UBQLN4: variants seen among roughly 807,000 people sequenced by gnomAD.
UBQLN4 encodes ubiquilin 4, also known as ubiquilin-4.
In UBQLN4, 11 loss-of-function variants were observed where a neutral mutation model predicts 60.4. That is an observed-to-expected ratio of 0.18 (90% CI 0.11 to 0.30). The LOEUF (loss-of-function observed/expected upper bound fraction) is 0.30. Among genes scored for constraint, UBQLN4 ranks in the 10% least tolerant of loss-of-function variants. The pLI is 1.00. For missense variants in UBQLN4, 417 were observed against 795.5 expected (o/e 0.52, Z 5.72); for synonymous variants, 258 against 313.1 (o/e 0.82, Z 1.86).
chr1:156,034,823 TTCTATA>T (rs1451738000), downstream of UBQLN4, among the ~76,000 whole-genome samples: 12 of 35,872 alleles, frequency 3.3e-4, no homozygotes, highest in Non-Finnish European at 1.7e-4. Context: ...TCCCTTAACC[TTCTATA>T]TATATATATA....
chr1:156,046,727 G>A (rs1416569051), intron 5 of UBQLN4, among the ~76,000 whole-genome samples: 4 of 147,170 alleles, frequency 2.7e-5, no homozygotes, highest in African/African-American at 7.5e-5. Context: ...CTGCAGTCCC[G>A]GCTACTCAGA....
chr1:156,050,183 C>T lies in UBQLN4; in HGVS notation c.741+108G>A, dbSNP rs1683830869. The T allele has an allele frequency of 7.0e-7, 1 of 1,419,130 alleles. No individual in the cohort carries two copies. The highest frequency in any genetic ancestry group is 9.3e-7 in the Non-Finnish European group (1 of 1,069,690). 87.9% of individuals were successfully genotyped at this position (1,419,130 alleles called of 1,614,324 possible). ...ATCCCTGTACCTCCAGTGTTCAAAA[C>T]TGCTGAATACACGAATGAACAAATC... On this transcript the variant is annotated intron_variant, in intron 4 of 10. Transcript: ENST00000368309. This position sits in a 1 kb window ranked among gnomAD's most constrained non-coding sequence, Gnocchi z 4.6.
In UBQLN4 at chr1:156,050,206, A is replaced by C; in HGVS notation, c.741+85T>G. On this transcript the variant is annotated intron_variant, in intron 4 of 10. Transcript: ENST00000368309. This position sits in a 1 kb window ranked among gnomAD's most constrained non-coding sequence, Gnocchi z 4.6. ...AACTGCTGAATACACGAATGAACAA[A>C]TCAATGTAGGACAAAGTAGGAAAGG... 6.7e-7 allele frequency: 1 copy of C among 1,483,056 alleles called. No homozygotes were observed. Among genetic ancestry groups the C allele is most frequent in the Non-Finnish European group, 9.0e-7 (1 of 1,112,676 alleles). 91.9% of individuals were successfully genotyped at this position (1,483,056 alleles called of 1,614,324 possible).
At position 156,050,363 on chromosome 1, in the gene UBQLN4, G is replaced by T. The variant is rs200780040; in HGVS notation, c.669C>A (p.Pro223=). The change falls in exon 4 of 11, where the codon CCC becomes CCA. Residue 223 remains proline (P), a synonymous_variant. Transcript: ENST00000368309. The surrounding 1 kb of genome is among the most constrained non-coding windows in gnomAD (Gnocchi z 4.6). ...TCCGCTCCATCAACTGCTGCATCTGGGGGTTGGCCATAATCATGTGACGCA... is the reference window on the plus strand; with the variant it reads ...TCCGCTCCATCAACTGCTGCATCTGTGGGTTGGCCATAATCATGTGACGCA... ...DLMRHMIMAN[P]QMQQLMERNP... 1.2e-6 allele frequency: 2 copies of T among 1,613,168 alleles called. No individual in the cohort carries two copies. Among genetic ancestry groups the T allele is most frequent in the East Asian group, 4.5e-5 (2 of 44,854 alleles).
chr1:156,042,438 C>T lies in UBQLN4; in HGVS notation c.1267-202G>A, dbSNP rs761722304. On this transcript the variant is annotated intron_variant, in intron 7 of 10. Transcript: ENST00000368309. ...CTGGGTAATGAAGAGTATGAGGAGT[C>T]AGCCTGCTCAGCCCTGGGTCTGATG... is the stretch of plus-strand genomic sequence containing the variant. 1.0e-5 allele frequency: 14 copies of T among 1,406,502 alleles called. No individual in the cohort carries two copies. In the African/African-American group the frequency reaches 1.0e-4, roughly 10 times the overall value. The allele number at this position is 1,406,502 out of a possible 1,614,324, so 87.1% of individuals were successfully genotyped here. A position where few individuals can be genotyped will look rare whatever the true frequency, so the allele number is the denominator to read the frequency against.
intron 10 of UBQLN4, among the ~76,000 whole-genome samples, chr1:156,040,441 A>ATTTTTT (rs112995184): frequency 1.8e-5 from 2 of 109,012 alleles, no homozygotes; most frequent in East Asian, 3.2e-4. Flanking sequence ...CAGTCCACAC[A>ATTTTTT]TTTTTTTTTT....
At chr1:156,032,815 G>A (rs1041611706), downstream of UBQLN4, among the ~76,000 whole-genome samples, 1 of 152,152 alleles carries the variant, frequency 6.6e-6, no homozygotes, top group African/African-American at 2.4e-5. Context: ...CTTGCTCTTG[G>A]ATTCCCCCAA....
rs1287067511 is a variant in UBQLN4, at chr1:156,035,779, G to T, written c.*1199C>A. 1.0e-6 allele frequency: 1 copy of T among 985,532 alleles called. No individual in the cohort carries two copies. Among genetic ancestry groups the T allele is most frequent in the East Asian group, 1.1e-4 (1 of 8,942 alleles). The allele number at this position is 985,532 out of a possible 1,614,324, so 61.0% of individuals were successfully genotyped here. A position where few individuals can be genotyped will look rare whatever the true frequency, so the allele number is the denominator to read the frequency against. On this transcript the variant is annotated 3_prime_UTR_variant, in exon 11 of 11. Transcript: ENST00000368309. Reference sequence around the variant, plus strand: ...AGCATCCAGAGCCCCAAGGGACCTAGCTCTCCCGGATATATATTCCTGCAA... The same window carrying T: ...AGCATCCAGAGCCCCAAGGGACCTATCTCTCCCGGATATATATTCCTGCAA...
Position 156,050,309 on chromosome 1 carries a change from G to A in UBQLN4, c.723C>T (p.Asn241=). The change falls in exon 4 of 11, where the codon AAC becomes AAT. Residue 241 remains asparagine (N), a synonymous_variant. Coordinates refer to ENST00000368309, the MANE Select transcript of UBQLN4 (RefSeq NM_020131.5). The surrounding 1 kb of genome is among the most constrained non-coding windows in gnomAD (Gnocchi z 4.6). The stretch of plus-strand genomic sequence containing the variant: ...TACTCACCTGCCTCATGAGTTCAGG[G>A]TTATTGAGCATGTGGCTGATCTCAG... The part of the protein sequence containing the change: ...RNPEISHMLN[N]PELMRQTMEL... 6.3e-7 allele frequency: 1 copy of A among 1,590,024 alleles called. No individual in the cohort carries two copies. Among genetic ancestry groups the A allele is most frequent in the Non-Finnish European group, 8.6e-7 (1 of 1,164,912 alleles).
At chr1:156,051,880 AC>A (rs1418057372) in intron 1 of UBQLN4, 23 bp from the exon 2 acceptor site, 1 of 1,613,118 alleles carries the variant, frequency 6.2e-7, no homozygotes. Context: ...GGCAGAGGTC[AC>A]TGTGGAGGCT....
chr1:156,051,099 TG>T lies in UBQLN4; in HGVS notation c.478+10del. Reference sequence around the variant, plus strand: ...CCAAACAAGATTGTGCTCTCCTCTCTGAGGGCTTACAGAGTATGGACGCAGT... The same window carrying T: ...CCAAACAAGATTGTGCTCTCCTCTCTAGGGCTTACAGAGTATGGACGCAGT... On this transcript the variant is annotated intron_variant, in intron 3 of 10. Transcript: ENST00000368309. 6.2e-7 allele frequency: 1 copy of T among 1,612,538 alleles called. No individual in the cohort carries two copies.
chr1:156,040,191 C>T (rs958326877), intron 10 of UBQLN4, among the ~76,000 whole-genome samples: 6 of 151,454 alleles, frequency 4.0e-5, no homozygotes, highest in African/African-American at 7.3e-5. Flanking sequence ...GTCAGGAGTT[C>T]GAGACCAGCC....
At chr1:156,034,421 C>T (rs556074847), downstream of UBQLN4, among the ~76,000 whole-genome samples, 288 of 151,376 alleles carry the variant, frequency 1.9e-3, 1 homozygote, top group Non-Finnish European at 3.3e-3. Context: ...CCTCAGCCTC[C>T]TGAGTAGCTG....
At chr1:156,051,432 C>T in intron 2 of UBQLN4, 105 bp from the exon 3 acceptor site, 1 of 1,394,860 alleles carries the variant, frequency 7.2e-7, no homozygotes, top group Non-Finnish European at 9.9e-7. Flanking sequence ...AACCCAAGAC[C>T]CCTCCTGAGC....
Position 156,050,286 on chromosome 1 carries a change from C to T in UBQLN4, c.741+5G>A. The stretch of plus-strand genomic sequence containing the variant: ...CCTCCAGCTCTCCAGCCCTCTCATA[C>T]TCACCTGCCTCATGAGTTCAGGGTT... On this transcript the variant is annotated splice_donor_5th_base_variant and intron_variant, in intron 4 of 10. Transcript: ENST00000368309. This position sits in a 1 kb window ranked among gnomAD's most constrained non-coding sequence, Gnocchi z 4.6. The T allele has an allele frequency of 6.4e-7, 1 of 1,557,758 alleles. No homozygotes were observed. The highest frequency in any genetic ancestry group is 1.7e-4 in the Middle Eastern group (1 of 5,788).
chr1:156,031,577 CTT>C (rs58222507), downstream of UBQLN4, among the ~76,000 whole-genome samples: 51,577 of 121,670 alleles, frequency 0.42, 10,722 homozygotes, highest in Non-Finnish European at 0.54. Flanking sequence ...GGAACTTCTT[CTT>C]TTTTTTTTTT....
In UBQLN4 at chr1:156,036,547, G is replaced by C; in HGVS notation, c.*431C>G. On this transcript the variant is annotated 3_prime_UTR_variant, in exon 11 of 11. Transcript: ENST00000368309. ...GTTGGGCTAGGGGTTGGGGGGTAGGGAGAAAAAGAAGGAAGAGAGTTACCA... is the reference window on the plus strand; with the variant it reads ...GTTGGGCTAGGGGTTGGGGGGTAGGCAGAAAAAGAAGGAAGAGAGTTACCA... 2 of 987,986 alleles carry C rather than the reference G, an allele frequency of 2.0e-6. No individual in the cohort carries two copies. Among genetic ancestry groups the C allele is most frequent in the Non-Finnish European group, 2.4e-6 (2 of 831,484 alleles). 61.2% of individuals were successfully genotyped at this position (987,986 alleles called of 1,614,324 possible).
At chr1:156,040,640 G>C (rs924545748) in intron 10 of UBQLN4, among the ~76,000 whole-genome samples, 1 of 151,416 alleles carries the variant, frequency 6.6e-6, no homozygotes, top group Non-Finnish European at 1.5e-5. Flanking sequence ...TTTTAGTAGA[G>C]ATGGGGTTTC....
chr1:156,032,443 G>A (rs746368567), downstream of UBQLN4, among the ~76,000 whole-genome samples: 7 of 151,228 alleles, frequency 4.6e-5, no homozygotes, highest in Non-Finnish European at 1.0e-4. Context: ...CCCAGGAGGT[G>A]GAGGTTGCAG....
Sources: allele counts gnomAD v4.1 joint callset (sites outside exome capture counted in the v4.1 genomes callset), GRCh38; gene constraint gnomAD v4.1.1; non-coding constraint Gnocchi (gnomAD v3.1); transcripts MANE v1.5; gene names NCBI Gene and HGNC (gene_info 2026-07-23, HGNC 2026-07-21).